Variants in CRISPLD2 observed in about 807,000 individuals in gnomAD.
The protein encoded by CRISPLD2 is cysteine rich secretory protein LCCL domain containing 2.
In CRISPLD2, 47 loss-of-function variants were observed where a neutral mutation model predicts 71.1. The ratio of observed to expected loss-of-function variants is 0.66; its 90% CI spans 0.52 to 0.84. The LOEUF (loss-of-function observed/expected upper bound fraction) is 0.84. Among genes scored for constraint, CRISPLD2 ranks in the 40% least tolerant of loss-of-function variants. The pLI is 0.00. For missense variants in CRISPLD2, 830 were observed against 651.1 expected, an observed-to-expected ratio of 1.27 and a Z score of -2.99; for synonymous variants, 317 against 250.1, an observed-to-expected ratio of 1.27 and a Z score of -2.52.
At chr16:84,826,004 A>G (rs1916342973) in intron 1 of CRISPLD2, among the ~76,000 whole-genome samples, 1 of 151,414 alleles carries the variant, frequency 6.6e-6, no homozygotes, top group Non-Finnish European at 1.5e-5. Flanking sequence ...GAGGACTCAT[A>G]GAAATGCAGG....
chr16:84,862,496 C>A (rs1321915795), intron 6 of CRISPLD2, among the ~76,000 whole-genome samples: 1 of 152,128 alleles, frequency 6.6e-6, no homozygotes, highest in East Asian at 1.9e-4. Flanking sequence ...GCCCGCCCAC[C>A]ATTTCTTCAC....
At chr16:84,859,499 A>G (rs1917327298) in intron 6 of CRISPLD2, among the ~76,000 whole-genome samples, 1 of 152,200 alleles carries the variant, frequency 6.6e-6, no homozygotes, top group Non-Finnish European at 1.5e-5. Context: ...ATAAATTGTC[A>G]GTAGCGTAGT....
At chr16:84,894,373 T>A (rs1300582302) in intron 14 of CRISPLD2, among the ~76,000 whole-genome samples, 1 of 152,216 alleles carries the variant, frequency 6.6e-6, no homozygotes, top group Non-Finnish European at 1.5e-5. Context: ...ATATAAACAA[T>A]GACAGTGAGC....
chr16:84,871,974 A>C (rs1227935477), intron 8 of CRISPLD2, among the ~76,000 whole-genome samples: 1 of 151,890 alleles, frequency 6.6e-6, no homozygotes, highest in East Asian at 1.9e-4. Flanking sequence ...AACCAACTGC[A>C]GATCAAAAAT....
At chr16:84,825,574 G>A (rs1216329702) in intron 1 of CRISPLD2, among the ~76,000 whole-genome samples, 2 of 152,036 alleles carry the variant, frequency 1.3e-5, no homozygotes, top group Admixed American at 6.6e-5. Context: ...TGGCTAACAT[G>A]GCAAAACCTT....
intron 14 of CRISPLD2, among the ~76,000 whole-genome samples, chr16:84,899,186 C>T (rs562892744): frequency 9.9e-5 from 15 of 152,204 alleles, no homozygotes; most frequent in South Asian, 6.2e-4. Context: ...CACTGTGCCC[C>T]GCCTGAGGGA....
chr16:84,832,778 A>T (rs1916519656), intron 1 of CRISPLD2, among the ~76,000 whole-genome samples: 1 of 152,196 alleles, frequency 6.6e-6, no homozygotes, highest in African/African-American at 2.4e-5. Context: ...TTTCTGGCAG[A>T]TTCTCCTAAA....
intron 14 of CRISPLD2, among the ~76,000 whole-genome samples, chr16:84,890,868 T>C (rs1385174910): frequency 1.3e-5 from 2 of 152,116 alleles, no homozygotes; most frequent in Admixed American, 1.3e-4. Flanking sequence ...CTGAGTGTCA[T>C]TCAGAAAGGG....
chr16:84,880,374 C>G, intron 12 of CRISPLD2, 135 bp from the exon 13 acceptor site: 1 of 625,850 alleles, frequency 1.6e-6, no homozygotes, highest in African/African-American at 1.8e-5. Flanking sequence ...TGTTTTTTTT[C>G]TTAATGAGGA....
At chr16:84,821,764 A>T (rs1371741027) in intron 1 of CRISPLD2, among the ~76,000 whole-genome samples, 1 of 152,214 alleles carries the variant, frequency 6.6e-6, no homozygotes, top group Non-Finnish European at 1.5e-5. Flanking sequence ...GAGTAGGAAT[A>T]GTAATAATGC....
chr16:84,844,342 A>G (rs909948940), intron 2 of CRISPLD2, among the ~76,000 whole-genome samples: 11 of 152,164 alleles, frequency 7.2e-5, no homozygotes, highest in Non-Finnish European at 1.5e-4. Flanking sequence ...ATTTCTTCTC[A>G]TTGTGGTAAA....
At chr16:84,872,387 T>G (rs1597470562) in intron 8 of CRISPLD2, 55 bp from the exon 9 acceptor site, 848 of 1,348,678 alleles carry the variant, frequency 6.3e-4, no homozygotes, top group Non-Finnish European at 8.1e-4. Flanking sequence ...AAACTCATTG[T>G]GAGATGTAAT....
At chr16:84,897,836 C>T (rs192299752) in intron 14 of CRISPLD2, among the ~76,000 whole-genome samples, 132 of 152,324 alleles carry the variant, frequency 8.7e-4, no homozygotes, top group African/African-American at 2.4e-3. Flanking sequence ...AGGCTGGTCT[C>T]GAACCCCTGA....
chr16:84,908,978 T>A lies in CRISPLD2; in HGVS notation c.*2336T>A, dbSNP rs183863751. On this transcript the variant is annotated 3_prime_UTR_variant, in exon 15 of 15. Coordinates refer to ENST00000262424, the MANE Select transcript of CRISPLD2 (RefSeq NM_031476.4). ...TGCTGGGATTACAGGCATGAGCCAC[T>A]GCGCCCGGCCATGGACCTGGCTGTC... is the stretch of plus-strand genomic sequence containing the variant. 1.3e-5 allele frequency: 2 copies of A among 151,540 alleles called. No homozygotes were observed. Among genetic ancestry groups the A allele is most frequent in the African/African-American group, 4.9e-5 (2 of 41,216 alleles). The allele number at this position is 151,540 out of a possible 1,614,324, so 9.4% of individuals were successfully genotyped here.
intron 6 of CRISPLD2, among the ~76,000 whole-genome samples, chr16:84,856,003 A>G (rs1309560216): frequency 2.0e-5 from 3 of 152,244 alleles, no homozygotes; most frequent in African/African-American, 7.2e-5. Flanking sequence ...AATACTCATA[A>G]CAATTACAGT....
chr16:84,860,131 C>G (rs1917341925), intron 6 of CRISPLD2, among the ~76,000 whole-genome samples: 1 of 152,156 alleles, frequency 6.6e-6, no homozygotes, highest in Non-Finnish European at 1.5e-5. Flanking sequence ...CCAGTTCACT[C>G]ACAGTGGGCC....
intron 8 of CRISPLD2, among the ~76,000 whole-genome samples, chr16:84,870,113 A>G (rs548481395): frequency 6.6e-6 from 1 of 152,338 alleles, no homozygotes; most frequent in African/African-American, 2.4e-5. Context: ...TGGTGCTTTT[A>G]CAAAAATAGT....
intron 12 of CRISPLD2, among the ~76,000 whole-genome samples, chr16:84,878,855 C>A (rs1425792717): frequency 1.3e-5 from 2 of 152,236 alleles, no homozygotes; most frequent in African/African-American, 4.8e-5. Flanking sequence ...TCAAACAGAG[C>A]ACGCTTTCTG....
intron 3 of CRISPLD2, among the ~76,000 whole-genome samples, chr16:84,848,247 C>T (rs1016955143): frequency 3.3e-5 from 5 of 152,172 alleles, no homozygotes; most frequent in African/African-American, 9.7e-5. Flanking sequence ...ACTGTGTGCA[C>T]GCCTTTCTGC....
Sources: gnomAD v4.1 joint callset for allele counts (sites outside exome capture counted in the v4.1 genomes callset) on GRCh38, gnomAD v4.1.1 for gene constraint, MANE v1.5 for transcripts, NCBI Gene and HGNC (gene_info 2026-07-23, HGNC 2026-07-21) for gene names.